The following PARP11 variants were observed in gnomAD, a reference collection of about 807,000 sequenced individuals.
PARP11 encodes the protein protein mono-ADP-ribosyltransferase PARP11.
A neutral mutation model predicts 42.9 loss-of-function variants in PARP11; 31 were observed. That is an observed-to-expected ratio of 0.72 (90% CI 0.54 to 0.98). The LOEUF (loss-of-function observed/expected upper bound fraction) is 0.98. Ranked by LOEUF, PARP11 falls within the 50% of genes least tolerant of loss-of-function variation. The pLI, the probability that PARP11 is intolerant of heterozygous loss-of-function variation, is 0.00. For missense variants in PARP11, 365 were observed against 413.1 expected (o/e 0.88, Z 1.01); for synonymous variants, 137 against 127.3 (o/e 1.08, Z -0.51).
intron 6 of PARP11, 109 bp from the exon 7 acceptor site, chr12:3,814,297 T>G (rs1947241825): frequency 5.1e-6 from 4 of 791,326 alleles, no homozygotes; most frequent in Non-Finnish European, 5.3e-6. Flanking sequence ...CAGGAAATAC[T>G]TTAATATAAA....
At chr12:3,862,464 T>C (rs1034563751) in intron 1 of PARP11, among the ~76,000 whole-genome samples, 4 of 151,896 alleles carry the variant, frequency 2.6e-5, no homozygotes, top group Non-Finnish European at 5.9e-5. Context: ...AAAATAAATA[T>C]ATGTATTTTT....
chr12:3,865,702 T>C (rs1234904870), intron 1 of PARP11, among the ~76,000 whole-genome samples: 1 of 152,132 alleles, frequency 6.6e-6, no homozygotes, highest in Admixed American at 6.5e-5. Context: ...TGTGTATCTT[T>C]CTCTATTTAG....
intron 1 of PARP11, chr12:3,839,480 G>T (rs11609162): frequency 1.9e-6 from 3 of 1,612,106 alleles, no homozygotes; most frequent in Non-Finnish European, 1.7e-6. Context: ...TCTCAGTCTC[G>T]CCATGTTGAA....
intron 6 of PARP11, among the ~76,000 whole-genome samples, chr12:3,817,134 T>C (rs553220812): frequency 1.3e-5 from 2 of 151,774 alleles, no homozygotes; most frequent in East Asian, 3.9e-4. Context: ...GAACTTGCAG[T>C]GAGCTGAGAT....
chr12:3,830,319 C>T (rs568707021), intron 1 of PARP11, among the ~76,000 whole-genome samples: 2 of 152,270 alleles, frequency 1.3e-5, no homozygotes, highest in Admixed American at 6.5e-5. Context: ...AGCATAGCCC[C>T]AAGCATTTTC....
intron 6 of PARP11, 101 bp from the exon 7 acceptor site, chr12:3,814,289 G>A: frequency 1.2e-6 from 1 of 866,170 alleles, no homozygotes; most frequent in East Asian, 3.1e-5. Context: ...GCGTAAAACA[G>A]GAAATACTTT....
At chr12:3,812,560 T>C in intron 7 of PARP11, 121 bp from the exon 8 acceptor site, 1 of 693,142 alleles carries the variant, frequency 1.4e-6, no homozygotes, top group East Asian at 2.7e-5. Flanking sequence ...GATGTGGAAT[T>C]TCCTCATCTG....
intron 1 of PARP11, among the ~76,000 whole-genome samples, chr12:3,859,897 A>T (rs1051581983): frequency 6.6e-6 from 1 of 152,226 alleles, no homozygotes; most frequent in Admixed American, 6.5e-5. Context: ...CAACATAAAG[A>T]TGTAACAGTT....
chr12:3,826,104 C>T (rs1947515627), intron 4 of PARP11, 54 bp downstream of exon 4: 1 of 1,016,238 alleles, frequency 9.8e-7, no homozygotes, highest in Non-Finnish European at 1.5e-6. Flanking sequence ...TTTTTCTGTC[C>T]AATAGTAAGA....
chr12:3,860,717 G>T (rs1948280497), intron 1 of PARP11, among the ~76,000 whole-genome samples: 1 of 151,810 alleles, frequency 6.6e-6, no homozygotes, highest in South Asian at 2.1e-4. Flanking sequence ...CTTTAGTCTT[G>T]TCCAGGCTAA....
Position 3,826,226 on chromosome 12 carries a change from C to T in PARP11, c.276G>A (p.Lys92=), listed in dbSNP as rs1022310371. ...GCTTTCCAGTGGTGAGATTCATTTGCTTCATTTCTGTATACAAAGACAAGA... is the reference window on the plus strand; with the variant it reads ...GCTTTCCAGTGGTGAGATTCATTTGTTTCATTTCTGTATACAAAGACAAGA... The part of the protein sequence containing the change: ...FSYKIDFAEM[K]QMNLTTGKQR... Residue 92 remains lysine (K), a synonymous_variant, in exon 4 of 8, where the codon AAG becomes AAA. Transcript: ENST00000228820. 12 of 1,587,942 alleles carry T rather than the reference C, an allele frequency of 7.6e-6. No homozygotes were observed. The highest frequency in any genetic ancestry group is 8.5e-6 in the Non-Finnish European group (10 of 1,171,766).
chr12:3,811,523 T>A lies in PARP11; in HGVS notation c.*600A>T, dbSNP rs1418319069. ...CTGCTATCCTAAGGCAACTGGAAAG[T>A]GGGGCATTCTACCTTGATTTTCTCC... On this transcript the variant is annotated 3_prime_UTR_variant, in exon 8 of 8. Coordinates refer to ENST00000228820, the MANE Select transcript of PARP11 (RefSeq NM_020367.6). The A allele has an allele frequency of 2.6e-5, 4 of 152,218 alleles. No individual in the cohort carries two copies. Among genetic ancestry groups the A allele is most frequent in the African/African-American group, 9.7e-5 (4 of 41,438 alleles). 9.4% of individuals were successfully genotyped at this position (152,218 alleles called of 1,614,324 possible).
chr12:3,831,846 T>A (rs1947647262), intron 1 of PARP11, among the ~76,000 whole-genome samples: 1 of 152,152 alleles, frequency 6.6e-6, no homozygotes, highest in South Asian at 2.1e-4. Flanking sequence ...CTATTCACAA[T>A]TCCTACTGCT....
At chr12:3,851,640 A>G (rs1470155491) in intron 1 of PARP11, among the ~76,000 whole-genome samples, 6 of 152,172 alleles carry the variant, frequency 3.9e-5, no homozygotes, top group East Asian at 1.9e-4. Flanking sequence ...CCGCAACTCA[A>G]TGAGGCCTGC....
chr12:3,830,411 T>C (rs1469861854), intron 1 of PARP11, among the ~76,000 whole-genome samples: 1 of 152,204 alleles, frequency 6.6e-6, no homozygotes, highest in Non-Finnish European at 1.5e-5. Flanking sequence ...TAATTTTTAT[T>C]TTAAACAGTC....
chr12:3,870,276 G>A (rs1231966275), intron 1 of PARP11, among the ~76,000 whole-genome samples: 1 of 152,132 alleles, frequency 6.6e-6, no homozygotes, highest in Non-Finnish European at 1.5e-5. Context: ...AAAACTATTA[G>A]TAGTAATAAA....
intron 1 of PARP11, among the ~76,000 whole-genome samples, chr12:3,860,544 T>G (rs1948278327): frequency 6.6e-6 from 1 of 152,358 alleles, no homozygotes; most frequent in Admixed American, 6.5e-5. Flanking sequence ...TCATTCATTT[T>G]GTAGCCTTAA....
chr12:3,837,475 G>A (rs1255137150), intron 1 of PARP11, among the ~76,000 whole-genome samples: 1 of 152,112 alleles, frequency 6.6e-6, no homozygotes, highest in African/African-American at 2.4e-5. Flanking sequence ...AAAAACTAAT[G>A]AGTTAAAACA....
At chr12:3,824,850 A>G (rs1947484115) in intron 4 of PARP11, among the ~76,000 whole-genome samples, 1 of 152,248 alleles carries the variant, frequency 6.6e-6, no homozygotes, top group South Asian at 2.1e-4. Context: ...TATTATTTGT[A>G]CTAAAGAATG....
Sources: allele counts gnomAD v4.1 joint callset (sites outside exome capture counted in the v4.1 genomes callset), GRCh38; gene constraint gnomAD v4.1.1; transcripts MANE v1.5; gene names NCBI Gene and HGNC (gene_info 2026-07-23, HGNC 2026-07-21).